Variants in LIPA observed in about 807,000 individuals in gnomAD.
LIPA encodes the protein lipase A, lysosomal acid type.
LIPA carries 26 observed loss-of-function variants against 40.6 expected under a neutral mutation model. The ratio of observed to expected loss-of-function variants is 0.64; its 90% CI spans 0.47 to 0.89. The LOEUF (loss-of-function observed/expected upper bound fraction) is 0.89. LIPA is among the 40% of genes least tolerant of loss of function. LIPA has a pLI of 0.00. For synonymous variants in LIPA, 188 were observed against 168.4 expected, an observed-to-expected ratio of 1.12 and a Z score of -0.90; for missense variants, 455 against 479.6, an observed-to-expected ratio of 0.95 and a Z score of 0.48.
chr10:89,232,775 G>A (rs895892526), intron 3 of LIPA, among the ~76,000 whole-genome samples: 3 of 152,230 alleles, frequency 2.0e-5, no homozygotes, highest in Non-Finnish European at 4.4e-5. Context: ...ACTTCCCTCT[G>A]TAACCTCTAG....
At chr10:89,403,945 G>A (rs1180806374) in intron 2 of LIPA, 6 of 381,322 alleles carry the variant, frequency 1.6e-5, no homozygotes, top group Non-Finnish European at 2.3e-5. Flanking sequence ...GAGAAAAAAT[G>A]TTAGTTAACT....
chr10:89,412,065 G>A (rs182166288), intron 2 of LIPA, among the ~76,000 whole-genome samples: 2 of 152,254 alleles, frequency 1.3e-5, no homozygotes, highest in African/African-American at 4.8e-5. Flanking sequence ...CTGACCTGCT[G>A]GCCCTTCCAC....
chr10:89,322,874 C>T (rs908183053), intron 1 of LIPA, among the ~76,000 whole-genome samples: 2 of 152,234 alleles, frequency 1.3e-5, no homozygotes, highest in Non-Finnish European at 2.9e-5. Context: ...AGACAGGTGA[C>T]TACATCTACC....
chr10:89,369,677 T>C (rs1309005255), intron 2 of LIPA, among the ~76,000 whole-genome samples: 1 of 152,232 alleles, frequency 6.6e-6, no homozygotes, highest in Admixed American at 6.5e-5. Context: ...GTGTTTCCTA[T>C]ATAGAGGTAT....
At chr10:89,254,163 GCC>G (rs1241183138), upstream of LIPA, among the ~76,000 whole-genome samples, 1 of 152,242 alleles carries the variant, frequency 6.6e-6, no homozygotes, top group African/African-American at 2.4e-5. Context: ...TCTGTGTGAG[GCC>G]TCCAATCCCA....
chr10:89,390,187 T>C (rs969645024), intron 2 of LIPA, among the ~76,000 whole-genome samples: 1 of 152,008 alleles, frequency 6.6e-6, no homozygotes, highest in African/African-American at 2.4e-5. Flanking sequence ...GGTTTCTCCA[T>C]GTTAGTCAGG....
rs976995105 is a variant in LIPA, at chr10:89,242,474, C to G, written c.229+3202G>C. Among the ~76,000 whole-genome samples, 118 of 152,282 alleles carry G rather than the reference C, an allele frequency of 7.7e-4. 1 individual carries two copies. The highest frequency in any genetic ancestry group is 2.8e-3 in the African/African-American group (117 of 41,560). ...ACATAGGATGAATGAGAACAGGAAG[C>G]CTGGCAGAGAAAAGAGCAGTTAGGT... is the stretch of plus-strand genomic sequence containing the variant. On this transcript the variant is annotated intron_variant, in intron 3 of 9. Coordinates refer to ENST00000336233, the MANE Select transcript of LIPA (RefSeq NM_000235.4).
intron 2 of LIPA, among the ~76,000 whole-genome samples, chr10:89,375,186 C>T (rs1024149007): frequency 6.6e-6 from 1 of 152,168 alleles, no homozygotes; most frequent in African/African-American, 2.4e-5. Flanking sequence ...TGACGAAAGT[C>T]CTAGTGCTAT....
intron 1 of LIPA, among the ~76,000 whole-genome samples, chr10:89,294,653 G>T (rs954979639): frequency 1.3e-5 from 2 of 152,170 alleles, no homozygotes; most frequent in African/African-American, 2.4e-5. Flanking sequence ...AAGAAATGGT[G>T]TTTAATTAAT....
chr10:89,216,903 A>G (rs1258420389), intron 8 of LIPA, among the ~76,000 whole-genome samples: 2 of 152,214 alleles, frequency 1.3e-5, no homozygotes, highest in Admixed American at 6.5e-5. Context: ...TATCAGTATA[A>G]TCACCAAGTA....
intron 1 of LIPA, among the ~76,000 whole-genome samples, chr10:89,287,456 C>A (rs1179060373): frequency 6.6e-6 from 1 of 152,128 alleles, no homozygotes; most frequent in Non-Finnish European, 1.5e-5. Flanking sequence ...CCTTATTAGG[C>A]TGAGACATTT....
At chr10:89,281,670 G>A (rs888554141) in intron 1 of LIPA, among the ~76,000 whole-genome samples, 1 of 152,178 alleles carries the variant, frequency 6.6e-6, no homozygotes, top group Admixed American at 6.5e-5. Context: ...CAAACACTTC[G>A]CTACTGCACT....
chr10:89,259,451 ACT>A lies in LIPA; in HGVS notation c.-1-11804_-1-11803del, dbSNP rs1377442872. 3.3e-5 allele frequency among the ~76,000 whole-genome samples: 5 copies of A among 152,268 alleles called. No homozygotes were observed. In the South Asian group the frequency reaches 8.3e-4, roughly 25 times the overall value. Reference sequence around the variant, plus strand: ...GGCAAGGATGTGAAGCAGCTGGGAAACTCTTTCATCGCTGATGGGAATGTAAA... The same window carrying A: ...GGCAAGGATGTGAAGCAGCTGGGAAACTTTCATCGCTGATGGGAATGTAAA... On this transcript the variant is annotated intron_variant, in intron 1 of 5. Transcript: ENST00000282673.
At chr10:89,228,522 A>T in intron 3 of LIPA, 124 bp from the exon 4 acceptor site, 1 of 868,942 alleles carries the variant, frequency 1.2e-6, no homozygotes, top group Non-Finnish European at 1.9e-6. Context: ...AAATTGAAAG[A>T]TTGACATAGT....
At chr10:89,404,143 TC>T (rs1335150810) in intron 2 of LIPA, 1 of 153,470 alleles carries the variant, frequency 6.5e-6, no homozygotes, top group Non-Finnish European at 1.4e-5. Context: ...CTCATTATAT[TC>T]CCTCCCTTGC....
At chr10:89,412,662 T>A (rs1841482539) in intron 2 of LIPA, 1 of 379,940 alleles carries the variant, frequency 2.6e-6, no homozygotes, top group Non-Finnish European at 5.1e-6. Context: ...GCTTTACTCC[T>A]GAAGTCAGTG....
intron 2 of LIPA, among the ~76,000 whole-genome samples, chr10:89,399,080 G>A (rs777062238): frequency 1.4e-4 from 22 of 152,046 alleles, no homozygotes; most frequent in African/African-American, 5.1e-4. Context: ...CAGACATGAA[G>A]TGGTATCTCA....
chr10:89,393,809 T>G (rs1844293764), intron 2 of LIPA, among the ~76,000 whole-genome samples: 1 of 152,166 alleles, frequency 6.6e-6, no homozygotes, highest in Non-Finnish European at 1.5e-5. Context: ...GTTGGCAAAA[T>G]TTTGAAGAGG....
At chr10:89,405,728 C>CT (rs1419064941) in intron 2 of LIPA, 2 of 152,272 alleles carry the variant, frequency 1.3e-5, no homozygotes, top group Admixed American at 1.3e-4. Flanking sequence ...CTTCTCTCCT[C>CT]TGACTCTTTT....
Sources: gnomAD v4.1 joint callset for allele counts (sites outside exome capture counted in the v4.1 genomes callset) on GRCh38, gnomAD v4.1.1 for gene constraint, MANE v1.5 for transcripts, NCBI Gene and HGNC (gene_info 2026-07-23, HGNC 2026-07-21) for gene names.